WDR90: variants seen among roughly 807,000 people sequenced by gnomAD.
WDR90 encodes WD repeat domain 90, also known as WD repeat-containing protein 90.
A neutral mutation model predicts 195.2 loss-of-function variants in WDR90; 238 were observed. The ratio of observed to expected loss-of-function variants is 1.22; its 90% CI spans 1.10 to 1.36. The LOEUF (loss-of-function observed/expected upper bound fraction) is 1.36, where lower values mean the gene tolerates loss of function less well. Ranked by LOEUF, WDR90 falls within the 40% of genes most tolerant of loss-of-function variation. The pLI is 0.00. For missense variants in WDR90, 2,734 were observed against 2,439.5 expected (o/e 1.12, Z -2.54); for synonymous variants, 1,265 against 1,052.4 (o/e 1.20, Z -3.91).
At position 661,126 on chromosome 16, in the gene WDR90, G is replaced by A. The variant is rs868478588; in HGVS notation, c.3467G>A (p.Gly1156Asp). ...TCTGGCGCCCAGCAGCACTGGTCCG[G>A]CCACTCTGCGGAGATCTCCACGCTG... ...LHSGAQQHWSGHSAEISTLAL... is the reference protein window; with the variant it reads ...LHSGAQQHWSDHSAEISTLAL... Residue 1156 changes from glycine (G) to aspartate (D), a missense_variant, in exon 29 of 41, where the codon GGC becomes GAC. Gly to Asp is a moderately conservative substitution (Grantham distance 94). Coordinates refer to ENST00000293879, the MANE Select transcript of WDR90 (RefSeq NM_145294.5). 6.4e-7 allele frequency: 1 copy of A among 1,563,472 alleles called. No homozygotes were observed. The highest frequency in any genetic ancestry group is 1.4e-5 in the African/African-American group (1 of 72,960).
intron 26 of WDR90, among the ~76,000 whole-genome samples, 179 bp from the exon 27 acceptor site, chr16:659,879 A>T (rs1377941874): frequency 6.6e-6 from 1 of 152,146 alleles, no homozygotes; most frequent in Non-Finnish European, 1.5e-5. Flanking sequence ...CCGTGTGACG[A>T]GGCAAGGTCA....
At chr16:649,710 G>A (rs2037599320) in intron 1 of WDR90, 53 bp from the exon 2 acceptor site, 1 of 1,516,056 alleles carries the variant, frequency 6.6e-7, no homozygotes, top group Non-Finnish European at 8.9e-7. Context: ...GCCCCGCAGT[G>A]GCCCCGGCTC....
chr16:657,148 C>T lies in WDR90; in HGVS notation c.2400C>T (p.Phe800=), dbSNP rs1371643750. The change falls in exon 20 of 41, where the codon TTC becomes TTT. Residue 800 remains phenylalanine, a synonymous_variant. Transcript: ENST00000293879. ...CCACCCCTGACGGCCGCCTGCTCTT[C>T]AGCTCCTGCTCCCAGGGCTCCCTGG... ...LTATPDGRLL[F]SSCSQGSLAQ... 4 of 1,570,748 alleles carry T rather than the reference C, an allele frequency of 2.5e-6. No homozygotes were observed. Among genetic ancestry groups the T allele is most frequent in the Admixed American group, 1.8e-5 (1 of 54,198 alleles).
In WDR90 at chr16:652,503, G is replaced by A. The variant is rs200520816; in HGVS notation, c.1090G>A (p.Val364Ile). 5.3e-5 allele frequency: 85 copies of A among 1,610,394 alleles called. No individual in the cohort carries two copies. Among genetic ancestry groups the A allele is most frequent in the Non-Finnish European group, 6.7e-5 (79 of 1,178,256 alleles). Reference protein sequence around the residue: ...LPDPVLRLKGVIGFGGHGTRQ... With the variant: ...LPDPVLRLKGIIGFGGHGTRQ... ...AGACCCAGTCCTGAGGCTCAAGGGC[G>A]TCATCGGCTTTGGGGGCCACGGCAC... The change falls in exon 10 of 41, where the codon GTC (valine) becomes ATC (isoleucine). Residue 364 changes from valine to isoleucine, a missense_variant. Val to Ile is a conservative substitution (Grantham distance 29, BLOSUM62 3). Transcript: ENST00000293879.
In WDR90 at chr16:653,329, C is replaced by T; in HGVS notation, c.1123-12C>T. 6.6e-7 allele frequency: 1 copy of T among 1,520,534 alleles called. No homozygotes were observed. Among genetic ancestry groups the T allele is most frequent in the Non-Finnish European group, 8.8e-7 (1 of 1,135,050 alleles). 94.2% of individuals were successfully genotyped at this position (1,520,534 alleles called of 1,614,324 possible). On this transcript the variant is annotated splice_polypyrimidine_tract_variant and intron_variant, in intron 10 of 40. Transcript: ENST00000293879. ...TAGCACCGGTCCTCAGCCCCCCGCC[C>T]CCTTGTGCCAGGCCCTGTGGACCCC...
rs777746947 is a variant in WDR90, at chr16:658,951, A to G, written c.2951A>G (p.Gln984Arg). The change falls in exon 24 of 41, where the codon CAG becomes CGG. Residue 984 changes from glutamine to arginine, a missense_variant. Physicochemically the swap from Gln to Arg is conservative, Grantham distance 43. Coordinates refer to ENST00000293879, the MANE Select transcript of WDR90 (RefSeq NM_145294.5). Reference sequence around the variant, plus strand: ...GCTGTGGCCTTCTCTCCTGACCAGCAGCAGGTCCTCAGCGCAGGGGACGCC... The same window carrying G: ...GCTGTGGCCTTCTCTCCTGACCAGCGGCAGGTCCTCAGCGCAGGGGACGCC... The part of the protein sequence containing the change: ...VQAVAFSPDQ[Q>R]QVLSAGDAVF... 22 of 1,612,826 alleles carry G rather than the reference A, an allele frequency of 1.4e-5. No individual in the cohort carries two copies. The South Asian group carries it at 2.1e-4, about 15-fold the overall frequency.
At position 667,525 on chromosome 16, in the gene WDR90, C is replaced by G. The variant is rs745305579; in HGVS notation, c.5183C>G (p.Ser1728Cys). 1.9e-6 allele frequency: 3 copies of G among 1,612,360 alleles called. No homozygotes were observed. In the South Asian group the frequency reaches 3.3e-5, roughly 18 times the overall value. Residue 1728 changes from serine to cysteine, a missense_variant, in exon 41 of 41, where the codon TCC becomes TGC. Physicochemically the swap from Ser to Cys is moderately radical, Grantham distance 112. Coordinates refer to ENST00000293879, the MANE Select transcript of WDR90 (RefSeq NM_145294.5). ...NAVHLCRFTP[S>C]ARLLFTAARN... ...GTGCACCTGTGCAGGTTTACACCGT[C>G]CGCCAGGCTGCTCTTCACGGCCGCC... is the stretch of plus-strand genomic sequence containing the variant.
chr16:660,174 T>C lies in WDR90; in HGVS notation c.3288+13T>C. ...CCACTCTGCCAAGGTGGGGAGTGGT[T>C]TCTGGGAGCCCTCTTTATCCCCAGC... On this transcript the variant is annotated intron_variant, in intron 27 of 40. Transcript: ENST00000293879. The C allele has an allele frequency of 6.7e-7, 1 of 1,502,854 alleles. No individual in the cohort carries two copies. The highest frequency in any genetic ancestry group is 8.9e-7 in the Non-Finnish European group (1 of 1,118,712). 93.1% of individuals were successfully genotyped at this position (1,502,854 alleles called of 1,614,324 possible).
In WDR90 at chr16:657,879, C is replaced by T. The variant is rs1389074497; in HGVS notation, c.2591C>T (p.Ala864Val). 1.3e-6 allele frequency: 2 copies of T among 1,582,656 alleles called. No individual in the cohort carries two copies. The highest frequency in any genetic ancestry group is 8.6e-7 in the Non-Finnish European group (1 of 1,164,742). The change falls in exon 21 of 41, where the codon GCC becomes GTC. Residue 864 changes from alanine to valine, a missense_variant. Ala to Val is a moderately conservative substitution (Grantham distance 64). Coordinates refer to ENST00000293879, the MANE Select transcript of WDR90 (RefSeq NM_145294.5). ...SRCTVTVMGSASLDELLRVDI... is the reference protein window; with the variant it reads ...SRCTVTVMGSVSLDELLRVDI... ...TGCACAGTGACAGTCATGGGCTCGG[C>T]CTCCCTTGATGAGGTGAGTCCGCAG...
rs767752933 is a variant in WDR90, at chr16:661,423, C to T, written c.3595C>T (p.Gln1199Ter). The T allele has an allele frequency of 1.2e-6, 2 of 1,612,512 alleles. No individual in the cohort carries two copies. The highest frequency in any genetic ancestry group is 8.5e-7 in the Non-Finnish European group (1 of 1,179,898). ...RVWDVSGGLC[Q>*]HLIFPHSTTV... ...CTGGGACGTGTCTGGCGGCCTCTGCCAGCATCTCATTTTCCCCCATAGCAC... is the reference window on the plus strand; with the variant it reads ...CTGGGACGTGTCTGGCGGCCTCTGCTAGCATCTCATTTTCCCCCATAGCAC... The change falls in exon 30 of 41, where the codon CAG becomes TAG. Residue 1199 changes from glutamine to a stop codon, truncating the protein, a stop_gained. Transcript: ENST00000293879. LOFTEE classifies it high-confidence loss of function.
rs745946660 is a variant in WDR90 at position 661,615 on chromosome 16, C to G, written c.3692C>G (p.Thr1231Ser). The G allele has an allele frequency of 6.3e-7, 1 of 1,596,860 alleles. No individual in the cohort carries two copies. Among genetic ancestry groups the G allele is most frequent in the Admixed American group, 1.7e-5 (1 of 58,848 alleles). ...TTCCCAGGGGACCACGATGGCCGCA[C>G]CCTCGCCCTGTGGGGCACGGCCACC... The part of the protein sequence containing the change: ...LVTLGDHDGR[T>S]LALWGTATYD... The change falls in exon 31 of 41, where the codon ACC becomes AGC. Residue 1231 changes from threonine (T) to serine (S), a missense_variant. Physicochemically the swap from Thr to Ser is moderately conservative, Grantham distance 58. Coordinates refer to ENST00000293879, the MANE Select transcript of WDR90 (RefSeq NM_145294.5).
rs181856803 is a variant in WDR90, at chr16:666,912, A to C, written c.5012A>C (p.Glu1671Ala). The C allele has an allele frequency of 1.2e-6, 2 of 1,612,766 alleles. No individual in the cohort carries two copies. The highest frequency in any genetic ancestry group is 2.2e-5 in the East Asian group (1 of 44,884). The change falls in exon 40 of 41, where the codon GAG (glutamate) becomes GCG (alanine). Residue 1671 changes from glutamate (E) to alanine (A), a missense_variant. Glu to Ala is a moderately radical substitution (Grantham distance 107, BLOSUM62 -1). Coordinates refer to ENST00000293879, the MANE Select transcript of WDR90 (RefSeq NM_145294.5). The part of the protein sequence containing the change: ...IYNLCQKQVV[E>A]KIPLPFFAMS... ...CACGCTGGCTGCTCACAGGTGGTGG[A>C]GAAGATACCACTGCCCTTTTTTGCC...
In WDR90 at chr16:659,110, C is replaced by T. The variant is rs2037833463; in HGVS notation, c.3036C>T (p.Pro1012=). 1.2e-6 allele frequency: 2 copies of T among 1,612,420 alleles called. No individual in the cohort carries two copies. Among genetic ancestry groups the T allele is most frequent in the Non-Finnish European group, 8.5e-7 (1 of 1,180,002 alleles). ...TESDQSFPGA[P]PACKTGPGAG... ...GCGACCAAAGCTTCCCCGGGGCCCC[C>T]CCAGCCTGCAAGACAGGTGAGTGGC... Residue 1012 remains proline (P), a synonymous_variant, in exon 25 of 41, where the codon CCC becomes CCT. Transcript: ENST00000293879.
rs945187551 is a variant in WDR90 at position 649,423 on chromosome 16, C to T, written c.7C>T (p.Arg3Ter). 7.7e-7 allele frequency: 1 copy of T among 1,304,136 alleles called. No homozygotes were observed. The highest frequency in any genetic ancestry group is 9.7e-7 in the Non-Finnish European group (1 of 1,029,564). The allele number at this position is 1,304,136 out of a possible 1,614,324, so 80.8% of individuals were successfully genotyped here. A position where few individuals can be genotyped will look rare whatever the true frequency, so the allele number is the denominator to read the frequency against. Residue 3 changes from arginine to a stop codon, truncating the protein, a stop_gained, in exon 1 of 41, where the codon CGA (arginine) becomes TGA (stop). Transcript: ENST00000293879. LOFTEE classifies it high-confidence loss of function. MA[R>*]AWQHPFLNVF... is the part of the protein sequence containing the mutation. ...AAGCTCGAGCGGCGGCGCCATGGCC[C>T]GAGGTAGCGCGCGGCTGGCGGGGGT...
upstream of WDR90, chr16:649,327 C>T: frequency 7.7e-7 from 1 of 1,299,196 alleles, no homozygotes; most frequent in Non-Finnish European, 9.8e-7. Flanking sequence ...GGAAGTGGCA[C>T]CGTTGCCAGG....
In WDR90 at chr16:660,091, G is replaced by C. The variant is rs1171474669; in HGVS notation, c.3218G>C (p.Arg1073Pro). 1 of 1,547,878 alleles carries C rather than the reference G, an allele frequency of 6.5e-7. No individual in the cohort carries two copies. Among genetic ancestry groups the C allele is most frequent in the Non-Finnish European group, 8.7e-7 (1 of 1,147,088 alleles). Residue 1073 changes from arginine (R) to proline (P), a missense_variant, in exon 27 of 41, where the codon CGC (arginine) becomes CCC (proline). By Grantham distance (103) the Arg-to-Pro change is moderately radical. Transcript: ENST00000293879. ...ARDTRNSGAP[R>P]TTYLASCKAF... ...GACACCAGGAATTCGGGGGCCCCAC[G>C]CACCACCTACCTGGCTTCCTGCAAG... is the stretch of plus-strand genomic sequence containing the variant.
rs369315535 is a variant in WDR90, at chr16:655,763, C to T, written c.1850-10C>T. 1.3e-6 allele frequency: 2 copies of T among 1,583,760 alleles called. No homozygotes were observed. Among genetic ancestry groups the T allele is most frequent in the African/African-American group, 2.7e-5 (2 of 74,464 alleles). ...GGGACACCGAGGCACTGACGCCTCC[C>T]TGCCCCCAGGCCCCGGCATTGCCAT... On this transcript the variant is annotated splice_polypyrimidine_tract_variant and intron_variant, in intron 16 of 40. Transcript: ENST00000293879.
rs1456871531 is a variant in WDR90, at chr16:655,874, G to A, written c.1951G>A (p.Val651Met). 12 of 1,596,754 alleles carry A rather than the reference G, an allele frequency of 7.5e-6. No homozygotes were observed. Among genetic ancestry groups the A allele is most frequent in the Non-Finnish European group, 1.0e-5 (12 of 1,174,814 alleles). The change falls in exon 17 of 41, where the codon GTG (valine) becomes ATG (methionine). Residue 651 changes from valine to methionine, a missense_variant. Physicochemically the swap from Val to Met is conservative, Grantham distance 21 (BLOSUM62 1). Transcript: ENST00000293879. Reference protein sequence around the residue: ...LRLWPLDFSSVLLEAEHEGPV... With the variant: ...LRLWPLDFSSMLLEAEHEGPV... Reference sequence around the variant, plus strand: ...GCTCTGGCCCCTGGACTTCTCCTCGGTGCTCCTGGAGGCAGGTGATGCTGT... The same window carrying A: ...GCTCTGGCCCCTGGACTTCTCCTCGATGCTCCTGGAGGCAGGTGATGCTGT...
chr16:667,032 GC>G lies in WDR90; in HGVS notation c.5089+45del, dbSNP rs1212392134. 4 of 1,545,708 alleles carry G rather than the reference GC, an allele frequency of 2.6e-6. No homozygotes were observed. The East Asian group carries it at 9.7e-5, about 38-fold the overall frequency. On this transcript the variant is annotated intron_variant, in intron 40 of 40. Transcript: ENST00000293879. ...CAGTTTGGGCCTGTCTTAGGTGGGG[GC>G]CAAGTGGGCTGACTGGTGCCCTGTT... is the stretch of plus-strand genomic sequence containing the variant.
Sources: allele counts gnomAD v4.1 joint callset (sites outside exome capture counted in the v4.1 genomes callset), GRCh38; gene constraint gnomAD v4.1.1; transcripts MANE v1.5; gene names NCBI Gene and HGNC (gene_info 2026-07-23, HGNC 2026-07-21).